The following PDE1C variants were observed in gnomAD, a reference collection of about 807,000 sequenced individuals.
PDE1C encodes phosphodiesterase 1C.
In PDE1C, 62 loss-of-function variants were observed where a neutral mutation model predicts 93.1. The ratio of observed to expected loss-of-function variants is 0.67; its 90% CI spans 0.54 to 0.82. The LOEUF is 0.82. Among genes scored for constraint, PDE1C ranks in the 40% least tolerant of loss-of-function variants. PDE1C has a pLI of 0.00. For synonymous variants in PDE1C, 325 were observed against 310.1 expected (o/e 1.05, Z -0.50); for missense variants, 742 against 884.6 (o/e 0.84, Z 2.04).
At chr7:31,644,095 G>A in the PDE1C span, 2,710 of 731,874 alleles carry the variant, frequency 3.7e-3, 55 homozygotes, top group African/African-American at 0.044. Flanking sequence ...TTTGTAGAGT[G>A]CTTTATTGTT....
intron 15 of PDE1C, among the ~76,000 whole-genome samples, chr7:31,813,040 G>C (rs1163315045): frequency 1.3e-5 from 2 of 152,100 alleles, no homozygotes; most frequent in East Asian, 1.9e-4. Context: ...ATGATTTAAT[G>C]TAGATAGAAT....
chr7:31,806,691 T>A (rs1786872923), intron 16 of PDE1C, among the ~76,000 whole-genome samples: 1 of 151,900 alleles, frequency 6.6e-6, no homozygotes, highest in Non-Finnish European at 1.5e-5. Context: ...TGATTCAGTT[T>A]CCACTGGGTT....
intron 1 of PDE1C, among the ~76,000 whole-genome samples, chr7:32,282,486 A>ATAGATAGCTAGATAGATAGATAGATAGC (rs1307486365): frequency 1.7e-4 from 2 of 11,954 alleles, no homozygotes; most frequent in African/African-American, 2.4e-4. Flanking sequence ...CAAAAAAAAA[A>ATAGATAGCTAGATAGATAGATAGATAGC]TAGATAGATA....
chr7:32,186,614 C>T (rs1427050199), intron 2 of PDE1C, among the ~76,000 whole-genome samples: 1 of 151,822 alleles, frequency 6.6e-6, no homozygotes, highest in African/African-American at 2.4e-5. Flanking sequence ...TTCTAGGTAA[C>T]AATATAGTCA....
chr7:32,214,676 C>A, intron 1 of PDE1C, among the ~76,000 whole-genome samples: 1 of 152,248 alleles, frequency 6.6e-6, no homozygotes, highest in Non-Finnish European at 1.5e-5. Context: ...CTGAATCGAG[C>A]GAGGTATATC....
At chr7:32,073,886 A>G (rs3793246), upstream of PDE1C, among the ~76,000 whole-genome samples, 3 of 151,982 alleles carry the variant, frequency 2.0e-5, no homozygotes, top group Non-Finnish European at 4.4e-5. Context: ...GCCACTCACA[A>G]CTTTGCTTTA....
intron 2 of PDE1C, among the ~76,000 whole-genome samples, chr7:31,909,259 G>A (rs2128934575): frequency 6.6e-6 from 1 of 151,922 alleles, no homozygotes; most frequent in East Asian, 1.9e-4. Flanking sequence ...GCACCAACTG[G>A]GACTTCCTAC....
chr7:32,111,647 A>AGCTG (rs1426837496), intron 3 of PDE1C, among the ~76,000 whole-genome samples: 18 of 152,176 alleles, frequency 1.2e-4, no homozygotes, highest in Admixed American at 2.6e-4. Flanking sequence ...TCTGGACCAT[A>AGCTG]GTCAGACAGC....
At chr7:32,100,459 GA>G (rs1404817761) in intron 3 of PDE1C, among the ~76,000 whole-genome samples, 4 of 152,086 alleles carry the variant, frequency 2.6e-5, no homozygotes, top group African/African-American at 9.7e-5. Flanking sequence ...TTAAATTAAG[GA>G]AATAGTAAAG....
At chr7:31,646,702 C>T in the PDE1C span, among the ~76,000 whole-genome samples, 18 of 152,100 alleles carry the variant, frequency 1.2e-4, no homozygotes, top group Non-Finnish European at 2.5e-4. Context: ...CATATCAGCA[C>T]TCCTGCAGAA....
chr7:32,217,289 A>G (rs1267913812), intron 1 of PDE1C, among the ~76,000 whole-genome samples: 1 of 152,254 alleles, frequency 6.6e-6, no homozygotes, highest in Non-Finnish European at 1.5e-5. Context: ...GGAAAGTGAC[A>G]TTCCAAGAGA....
At chr7:32,185,181 G>A (rs936928776) in intron 2 of PDE1C, among the ~76,000 whole-genome samples, 2 of 148,300 alleles carry the variant, frequency 1.3e-5, no homozygotes, top group Non-Finnish European at 3.0e-5. Flanking sequence ...GGAGGCTGAG[G>A]TTGATGTGAG....
intron 2 of PDE1C, among the ~76,000 whole-genome samples, chr7:31,919,783 T>TA (rs1209939841): frequency 6.6e-6 from 1 of 152,204 alleles, no homozygotes; most frequent in Non-Finnish European, 1.5e-5. Context: ...GTCCACCTGT[T>TA]AGAGGCTGGC....
At chr7:32,400,007 G>C (rs771228156) in intron 1 of PDE1C, among the ~76,000 whole-genome samples, 2 of 152,286 alleles carry the variant, frequency 1.3e-5, no homozygotes, top group Non-Finnish European at 1.5e-5. Context: ...GTCCATAGAA[G>C]ATCCTTGTAT....
In PDE1C at chr7:32,426,274, C is replaced by CT. The variant is rs11332404; in HGVS notation, c.310+1547dup. 5.8e-3 allele frequency among the ~76,000 whole-genome samples: 808 copies of CT among 138,762 alleles called. 7 individuals carry two copies. The highest frequency in any genetic ancestry group is 0.016 in the African/African-American group (596 of 37,170). The allele number at this position is 138,762 out of a possible 152,430, so 91.0% of individuals were successfully genotyped here. A position where few individuals can be genotyped will look rare whatever the true frequency, so the allele number is the denominator to read the frequency against. On this transcript the variant is annotated intron_variant, in intron 1 of 1. Transcript: ENST00000672256. ...AGAAAATGGTGTAACTATATTTGTA[C>CT]TTTTTTTTTTTTTTTTTGAGATAGG...
chr7:32,083,817 C>T (rs978294582), intron 3 of PDE1C, among the ~76,000 whole-genome samples: 11 of 151,962 alleles, frequency 7.2e-5, no homozygotes, highest in African/African-American at 2.2e-4. Flanking sequence ...ATTTGGTCAC[C>T]ACCAGGCCTG....
intron 1 of PDE1C, among the ~76,000 whole-genome samples, chr7:32,286,719 G>A (rs1262771585): frequency 1.3e-5 from 2 of 152,140 alleles, no homozygotes; most frequent in African/African-American, 2.4e-5. Context: ...TTAAAAGCAG[G>A]TACTAGAACA....
chr7:31,774,512 C>T (rs1195005044), intron 17 of PDE1C, among the ~76,000 whole-genome samples: 2 of 152,108 alleles, frequency 1.3e-5, no homozygotes, highest in Non-Finnish European at 1.5e-5. Flanking sequence ...TTCTTTGAGC[C>T]AGCAATCTTA....
chr7:32,208,898 C>T (rs191896579), intron 2 of PDE1C, among the ~76,000 whole-genome samples: 7 of 152,298 alleles, frequency 4.6e-5, no homozygotes, highest in Admixed American at 2.6e-4. Flanking sequence ...GGAATATCCC[C>T]AATGCCTAAG....
Sources: gnomAD v4.1 joint callset for allele counts (sites outside exome capture counted in the v4.1 genomes callset) on GRCh38, gnomAD v4.1.1 for gene constraint, MANE v1.5 for transcripts, NCBI Gene and HGNC (gene_info 2026-07-23, HGNC 2026-07-21) for gene names.